The following ADCK5 variants were observed in gnomAD, a reference collection of about 807,000 sequenced individuals.
The protein encoded by ADCK5 is aarF domain containing kinase 5.
Under a neutral mutation model 64.9 loss-of-function variants are expected in ADCK5, and 43 were observed. The observed-to-expected ratio is 0.66, with a 90% confidence interval of 0.52 to 0.85. The LOEUF is 0.85. Ranked by LOEUF, ADCK5 falls within the 40% of genes least tolerant of loss-of-function variation. ADCK5 has a pLI of 0.00. For synonymous variants in ADCK5, 434 were observed against 342.8 expected (o/e 1.27, Z -2.94); for missense variants, 760 against 810.5 (o/e 0.94, Z 0.76).
intron 3 of ADCK5, among the ~76,000 whole-genome samples, chr8:144,388,572 G>T (rs1387328150): frequency 2.0e-5 from 3 of 151,906 alleles, no homozygotes; most frequent in Non-Finnish European, 4.4e-5. Flanking sequence ...AGACCATCCT[G>T]GCCAACACGG....
chr8:144,387,187 GCTT>G (rs1369091215), intron 3 of ADCK5, among the ~76,000 whole-genome samples: 1 of 152,154 alleles, frequency 6.6e-6, no homozygotes, highest in Non-Finnish European at 1.5e-5. Flanking sequence ...ATATTTCACT[GCTT>G]CTTATTTTGT....
Position 144,393,087 on chromosome 8 carries a change from C to G in ADCK5, c.*13C>G. On this transcript the variant is annotated 3_prime_UTR_variant, in exon 15 of 15. Coordinates refer to ENST00000308860, the MANE Select transcript of ADCK5 (RefSeq NM_174922.5). ...CCTGGAGACCTAGGGTGCAGCCGCC[C>G]AGGGCCGGCGGGGCCCTTTTCACCT... is the stretch of plus-strand genomic sequence containing the variant. 6.5e-7 allele frequency: 1 copy of G among 1,543,752 alleles called. No homozygotes were observed. The highest frequency in any genetic ancestry group is 1.2e-5 in the South Asian group (1 of 83,252).
chr8:144,384,795 G>T lies in ADCK5; in HGVS notation c.266+1565G>T, dbSNP rs1275885644. Among the ~76,000 whole-genome samples, 1 of 152,202 alleles carries T rather than the reference G, an allele frequency of 6.6e-6. No individual in the cohort carries two copies. The highest frequency in any genetic ancestry group is 2.4e-5 in the African/African-American group (1 of 41,446). ...AGCCTGCGTTTTGGGCTCACTTTGT[G>T]GGAAAACATCTTCTCACAGCTCGCT... On this transcript the variant is annotated intron_variant, in intron 3 of 14. Coordinates refer to ENST00000308860, the MANE Select transcript of ADCK5 (RefSeq NM_174922.5). The surrounding 1 kb of genome is among the most constrained non-coding windows in gnomAD (Gnocchi z 5.7).
intron 3 of ADCK5, chr8:144,389,411 G>A (rs1820100946): frequency 8.8e-6 from 4 of 454,932 alleles, no homozygotes; most frequent in East Asian, 7.0e-5. Context: ...TTCACAGACA[G>A]CCTTGGAACC....
In ADCK5 at chr8:144,391,138, A is replaced by G; in HGVS notation, c.548A>G (p.Asp183Gly). 1 of 1,610,700 alleles carries G rather than the reference A, an allele frequency of 6.2e-7. No individual in the cohort carries two copies. Among genetic ancestry groups the G allele is most frequent in the South Asian group, 1.1e-5 (1 of 91,064 alleles). ...RALKRGFQEV[D>G]ELFLEDFQAL... ...TCTGAGCACCTGTCCTTCCAGGTGG[A>G]TGAGTTGTTCCTTGAGGACTTCCAG... The change falls in exon 6 of 15, where the codon GAT (aspartate) becomes GGT (glycine). Residue 183 changes from aspartate (D) to glycine (G), a missense_variant. Physicochemically the swap from Asp to Gly is moderately conservative, Grantham distance 94. Around this residue, in one of 2 missense-constraint regions of ADCK5, gnomAD observed 427 missense variants for 518.4 expected, o/e 0.82. Transcript: ENST00000308860.
chr8:144,385,563 C>T (rs1206051444), intron 3 of ADCK5, among the ~76,000 whole-genome samples: 8 of 151,392 alleles, frequency 5.3e-5, no homozygotes, highest in Admixed American at 2.6e-4. Flanking sequence ...AGGGGAATCA[C>T]TTGAACCTGG....
chr8:144,377,887 C>G (rs1554857447), intron 1 of ADCK5, among the ~76,000 whole-genome samples: 1 of 152,234 alleles, frequency 6.6e-6, no homozygotes, highest in Non-Finnish European at 1.5e-5. Context: ...ATGAGGACTG[C>G]TTTCCTCTGG....
rs1292367126 is a variant in ADCK5, at chr8:144,393,136, T to C, written c.*62T>C. On this transcript the variant is annotated 3_prime_UTR_variant, in exon 15 of 15. Coordinates refer to ENST00000308860, the MANE Select transcript of ADCK5 (RefSeq NM_174922.5). ...CTTGGGCTGACGGAGGTGGCGGGGCTAGAGGTGTAGACACCCCGAGCCCCG... is the reference window on the plus strand; with the variant it reads ...CTTGGGCTGACGGAGGTGGCGGGGCCAGAGGTGTAGACACCCCGAGCCCCG... The C allele has an allele frequency of 4.8e-5, 70 of 1,443,734 alleles. No individual in the cohort carries two copies. The highest frequency in any genetic ancestry group is 5.8e-5 in the Non-Finnish European group (63 of 1,090,104). The allele number at this position is 1,443,734 out of a possible 1,614,324, so 89.4% of individuals were successfully genotyped here. A position where few individuals can be genotyped will look rare whatever the true frequency, so the allele number is the denominator to read the frequency against.
chr8:144,381,437 G>A (rs1403035156), intron 2 of ADCK5, among the ~76,000 whole-genome samples: 1 of 129,678 alleles, frequency 7.7e-6, no homozygotes, highest in East Asian at 2.5e-4. Context: ...TGTAGAAACA[G>A]ATGTGTGCTC....
chr8:144,373,865 T>C (rs927578465), upstream of ADCK5: 1 of 393,278 alleles, frequency 2.5e-6, no homozygotes, highest in Non-Finnish European at 4.4e-6. Context: ...CCCTCCGCTC[T>C]CAGGAGGCGC....
rs1554860980 is a variant in ADCK5 at position 144,392,158 on chromosome 8, T to TC, written c.1165dup (p.Leu389ProfsTer118). ...CTGCTGGACCACGGGCTCTACCAGT[T>TC]CCTGGAGGAGAAGTGAGCGCGGGTG... On this transcript the variant is annotated frameshift_variant, in exon 11 of 15. Transcript: ENST00000308860. LOFTEE classifies it high-confidence loss of function. 8.4e-7 allele frequency: 1 copy of TC among 1,191,400 alleles called. No homozygotes were observed. Among genetic ancestry groups the TC allele is most frequent in the Admixed American group, 2.0e-5 (1 of 49,256 alleles). The allele number at this position is 1,191,400 out of a possible 1,614,324, so 73.8% of individuals were successfully genotyped here. A position where few individuals can be genotyped will look rare whatever the true frequency, so the allele number is the denominator to read the frequency against.
At chr8:144,387,879 C>T (rs931693821) in intron 3 of ADCK5, among the ~76,000 whole-genome samples, 1 of 151,734 alleles carries the variant, frequency 6.6e-6, no homozygotes, top group African/African-American at 2.4e-5. Flanking sequence ...ATTACAGGCA[C>T]ACGCCACCAC....
rs782796597 is a variant in ADCK5, at chr8:144,393,103, CT to C, written c.*33del. 1.3e-6 allele frequency: 2 copies of C among 1,512,806 alleles called. No homozygotes were observed. The highest frequency in any genetic ancestry group is 1.8e-6 in the Non-Finnish European group (2 of 1,134,050). 93.7% of individuals were successfully genotyped at this position (1,512,806 alleles called of 1,614,324 possible). On this transcript the variant is annotated 3_prime_UTR_variant, in exon 15 of 15. Coordinates refer to ENST00000308860, the MANE Select transcript of ADCK5 (RefSeq NM_174922.5). Reference sequence around the variant, plus strand: ...GCAGCCGCCCAGGGCCGGCGGGGCCCTTTTCACCTTGGGCTGACGGAGGTGG... The same window carrying C: ...GCAGCCGCCCAGGGCCGGCGGGGCCCTTTCACCTTGGGCTGACGGAGGTGG...
intron 1 of ADCK5, among the ~76,000 whole-genome samples, chr8:144,374,563 C>T (rs1819286904): frequency 6.6e-6 from 1 of 152,212 alleles, no homozygotes; most frequent in African/African-American, 2.4e-5. Flanking sequence ...GCCCGGCGCC[C>T]CGGAGAGCGC....
rs1554861838 is a variant in ADCK5 at position 144,393,233 on chromosome 8, A to T, written c.*159A>T. 2.8e-6 allele frequency: 4 copies of T among 1,408,786 alleles called. No homozygotes were observed. The highest frequency in any genetic ancestry group is 3.8e-6 in the Non-Finnish European group (4 of 1,056,356). The allele number at this position is 1,408,786 out of a possible 1,614,324, so 87.3% of individuals were successfully genotyped here. On this transcript the variant is annotated 3_prime_UTR_variant, in exon 15 of 15. Coordinates refer to ENST00000308860, the MANE Select transcript of ADCK5 (RefSeq NM_174922.5). ...CGTGTAATGACCACACACTCCTCTC[A>T]AGCAAAAAATGTTTTTCCTTGTGTT...
At chr8:144,381,575 G>C in intron 2 of ADCK5, among the ~76,000 whole-genome samples, 1 of 145,774 alleles carries the variant, frequency 6.9e-6, no homozygotes, top group East Asian at 2.1e-4. Context: ...CCGCACTCAG[G>C]ATTATGGGCC....
At chr8:144,392,383 G>GT in intron 12 of ADCK5, 38 bp downstream of exon 12, 3 of 1,487,200 alleles carry the variant, frequency 2.0e-6, no homozygotes, top group South Asian at 1.3e-5. Flanking sequence ...ACCACAGAAG[G>GT]GAGTCGGGCG....
Position 144,392,032 on chromosome 8 carries a change from T to A in ADCK5, c.1096+10T>A. 1 of 1,612,524 alleles carries A rather than the reference T, an allele frequency of 6.2e-7. No homozygotes were observed. The highest frequency in any genetic ancestry group is 2.2e-5 in the East Asian group (1 of 44,848). The stretch of plus-strand genomic sequence containing the variant: ...CCACATCCTGGCAACGGTAGGAATT[T>A]ACCCCAGGGGTGGGGGTCTCAGGGT... On this transcript the variant is annotated intron_variant, in intron 10 of 14. Coordinates refer to ENST00000308860, the MANE Select transcript of ADCK5 (RefSeq NM_174922.5).
rs1265143096 is a variant in ADCK5 at position 144,388,539 on chromosome 8, C to T, written c.267-2132C>T. Among the ~76,000 whole-genome samples, 24 of 151,972 alleles carry T rather than the reference C, an allele frequency of 1.6e-4. 1 individual carries two copies. Among genetic ancestry groups the T allele is most frequent in the Middle Eastern group, 3.4e-3 (1 of 294 alleles). ...CAGCACTTTGGGAGGCCAAGGTGGG[C>T]GGATCACGAGGTCGGGAGATCGAGA... On this transcript the variant is annotated intron_variant, in intron 3 of 14. Coordinates refer to ENST00000308860, the MANE Select transcript of ADCK5 (RefSeq NM_174922.5).
Sources: gnomAD v4.1 joint callset for allele counts (sites outside exome capture counted in the v4.1 genomes callset) on GRCh38, gnomAD v4.1.1 for gene constraint, gnomAD v4.1.1 regional missense constraint, Gnocchi (gnomAD v3.1) non-coding constraint, MANE v1.5 for transcripts, NCBI Gene and HGNC (gene_info 2026-07-23, HGNC 2026-07-21) for gene names.